KDM4C: variants seen among roughly 807,000 people sequenced by gnomAD.
The protein encoded by KDM4C is lysine-specific demethylase 4C.
In KDM4C, 81 loss-of-function variants were observed where a neutral mutation model predicts 129.3. That is an observed-to-expected ratio of 0.63 (90% confidence interval 0.52 to 0.75). The LOEUF (loss-of-function observed/expected upper bound fraction) is 0.75, where lower values mean the gene tolerates loss of function less well. Among genes scored for constraint, KDM4C ranks in the 30% least tolerant of loss-of-function variants. The probability of loss-of-function intolerance (pLI) is 0.00; values close to 1 mark genes in which losing one functional copy is unlikely to be tolerated. For missense variants in KDM4C, 1,457 were observed against 1,304.0 expected (o/e 1.12, Z -1.81); for synonymous variants, 573 against 456.1 (o/e 1.26, Z -3.26).
intron 8 of KDM4C, among the ~76,000 whole-genome samples, chr9:6,930,106 A>G (rs1160669227): frequency 1.3e-5 from 2 of 152,200 alleles, no homozygotes; most frequent in African/African-American, 2.4e-5. Flanking sequence ...CCTTGGTGCT[A>G]TGCTAAGTGT....
intron 8 of KDM4C, among the ~76,000 whole-genome samples, chr9:6,917,532 C>A (rs1351149240): frequency 1.3e-5 from 2 of 152,182 alleles, no homozygotes; most frequent in African/African-American, 4.8e-5. Flanking sequence ...AGCTATTTCT[C>A]TTGCTTGTCC....
Position 7,165,305 on chromosome 9 carries a change from G to A in KDM4C, c.2849G>A (p.Gly950Asp). 2 of 1,614,124 alleles carry A rather than the reference G, an allele frequency of 1.2e-6. No homozygotes were observed. Among genetic ancestry groups the A allele is most frequent in the Non-Finnish European group, 1.7e-6 (2 of 1,179,982 alleles). The change falls in exon 20 of 22, where the codon GGC becomes GAC. Residue 950 changes from glycine (G) to aspartate (D), a missense_variant. Gly to Asp is a moderately conservative substitution (Grantham distance 94). Coordinates refer to ENST00000381309, the MANE Select transcript of KDM4C (RefSeq NM_015061.6). ...GTCGTCCAAGTCAAGTGGCCCGATGGCAAACTCTATGGAGCAAAATATTTT... is the reference window on the plus strand; with the variant it reads ...GTCGTCCAAGTCAAGTGGCCCGATGACAAACTCTATGGAGCAAAATATTTT... ...GEVVQVKWPDGKLYGAKYFGS... is the reference protein window; with the variant it reads ...GEVVQVKWPDDKLYGAKYFGS...
intron 19 of KDM4C, among the ~76,000 whole-genome samples, chr9:7,156,453 C>G (rs926836066): frequency 6.6e-6 from 1 of 152,130 alleles, no homozygotes; most frequent in African/African-American, 2.4e-5. Context: ...AATGGTATTG[C>G]CTAGGTTTTC....
At chr9:7,089,599 A>C (rs1406409089) in intron 17 of KDM4C, among the ~76,000 whole-genome samples, 1 of 152,216 alleles carries the variant, frequency 6.6e-6, no homozygotes, top group Non-Finnish European at 1.5e-5. Context: ...GTATAATATG[A>C]AAATCATCTC....
chr9:6,789,333 G>T (rs534706471), intron 1 of KDM4C, among the ~76,000 whole-genome samples: 68 of 148,134 alleles, frequency 4.6e-4, no homozygotes, highest in Middle Eastern at 7.0e-3. Flanking sequence ...CAATTCTCCC[G>T]CCTCAGCCTC....
intron 8 of KDM4C, among the ~76,000 whole-genome samples, chr9:6,944,680 T>C (rs1826598617): frequency 7.8e-6 from 1 of 127,454 alleles, no homozygotes; most frequent in Admixed American, 9.8e-5. Flanking sequence ...TTTTTGCCTC[T>C]GTGCAACAGG....
intron 19 of KDM4C, among the ~76,000 whole-genome samples, chr9:7,138,661 T>A (rs1338767012): frequency 5.3e-5 from 8 of 151,702 alleles, no homozygotes; most frequent in Non-Finnish European, 8.8e-5. Flanking sequence ...CAAAAAAATT[T>A]AAAAAAATTT....
intron 17 of KDM4C, among the ~76,000 whole-genome samples, chr9:7,049,960 G>A (rs1829916177): frequency 6.6e-6 from 1 of 152,088 alleles, no homozygotes; most frequent in African/African-American, 2.4e-5. Flanking sequence ...AGAATTTCCT[G>A]AGTCGTTGTT....
intron 12 of KDM4C, among the ~76,000 whole-genome samples, chr9:7,001,237 C>A (rs1052825963): frequency 3.3e-5 from 5 of 152,056 alleles, no homozygotes; most frequent in African/African-American, 1.2e-4. Flanking sequence ...TGTTTATGTT[C>A]TTTGTTTTGT....
chr9:6,924,842 A>G (rs1822187063), intron 8 of KDM4C: 1 of 983,540 alleles, frequency 1.0e-6, no homozygotes, highest in Non-Finnish European at 1.2e-6. Flanking sequence ...TGAAAATAAG[A>G]CAGGCTGTCC....
intron 8 of KDM4C, among the ~76,000 whole-genome samples, chr9:6,952,518 G>A (rs1828350469): frequency 6.6e-6 from 1 of 151,708 alleles, no homozygotes; most frequent in African/African-American, 2.4e-5. Flanking sequence ...TCGGCTCACT[G>A]CAACCTCTGC....
At chr9:6,763,124 C>A (rs1053922916) in intron 1 of KDM4C, among the ~76,000 whole-genome samples, 5 of 152,034 alleles carry the variant, frequency 3.3e-5, no homozygotes, top group Non-Finnish European at 7.4e-5. Flanking sequence ...TACTAACAGT[C>A]AGAATAATTC....
chr9:6,726,924 A>G, intron 1 of KDM4C: 1 of 152,078 alleles, frequency 6.6e-6, no homozygotes, highest in Non-Finnish European at 1.5e-5. Flanking sequence ...TAGTAGAGAT[A>G]GGATTTCGCC....
chr9:6,753,186 C>G (rs1331088671), upstream of KDM4C, among the ~76,000 whole-genome samples: 1 of 152,236 alleles, frequency 6.6e-6, no homozygotes, highest in African/African-American at 2.4e-5. Context: ...AGCAGAACTT[C>G]TACCTCTTCT....
At chr9:7,035,638 G>T (rs1394307906) in intron 15 of KDM4C, among the ~76,000 whole-genome samples, 7 of 151,892 alleles carry the variant, frequency 4.6e-5, no homozygotes, top group Non-Finnish European at 7.4e-5. Context: ...TTAGGTCTTT[G>T]ATTCATTTTA....
chr9:7,080,085 T>G (rs1045643586), intron 17 of KDM4C, among the ~76,000 whole-genome samples: 1 of 152,160 alleles, frequency 6.6e-6, no homozygotes, highest in Non-Finnish European at 1.5e-5. Context: ...TTGCAGAATT[T>G]ATGTACCTTA....
At chr9:7,050,109 T>C (rs561498757) in intron 17 of KDM4C, among the ~76,000 whole-genome samples, 6 of 152,166 alleles carry the variant, frequency 3.9e-5, no homozygotes, top group African/African-American at 1.2e-4. Context: ...GGCTCTCTTA[T>C]AGGAACTCAC....
chr9:7,020,817 C>G (rs1004233846), intron 15 of KDM4C, among the ~76,000 whole-genome samples: 1 of 152,130 alleles, frequency 6.6e-6, no homozygotes, highest in African/African-American at 2.4e-5. Flanking sequence ...TACAAACAAT[C>G]CAGTTATACT....
At chr9:6,959,250 C>G (rs183936458) in intron 8 of KDM4C, among the ~76,000 whole-genome samples, 1 of 152,292 alleles carries the variant, frequency 6.6e-6, no homozygotes, top group Admixed American at 6.5e-5. Flanking sequence ...ATGCTGGTCC[C>G]ACCATGTAGT....
Sources: allele counts gnomAD v4.1 joint callset (sites outside exome capture counted in the v4.1 genomes callset), GRCh38; gene constraint gnomAD v4.1.1; transcripts MANE v1.5; gene names NCBI Gene and HGNC (gene_info 2026-07-23, HGNC 2026-07-21).